DNAAF9: variants seen among roughly 807,000 people sequenced by gnomAD.
The protein encoded by DNAAF9 is shulin.
In DNAAF9, 90 loss-of-function variants were observed where a neutral mutation model predicts 167.0. The observed-to-expected ratio is 0.54, with a 90% CI of 0.45 to 0.64. DNAAF9 has a LOEUF of 0.64. DNAAF9 is among the 30% of genes least tolerant of loss of function. The pLI, the probability that DNAAF9 is intolerant of heterozygous loss-of-function variation, is 0.00. For missense variants in DNAAF9, 1,315 were observed against 1,442.2 expected, an observed-to-expected ratio of 0.91 and a Z score of 1.43; for synonymous variants, 491 against 508.8, an observed-to-expected ratio of 0.96 and a Z score of 0.47.
Position 3,270,473 on chromosome 20 carries a change from T to G in DNAAF9, c.2740A>C (p.Asn914His). The change falls in exon 30 of 37, where the codon AAT (asparagine) becomes CAT (histidine). Residue 914 changes from asparagine to histidine, a missense_variant. Physicochemically the swap from Asn to His is moderately conservative, Grantham distance 68. Around this residue, in one of 2 missense-constraint regions of DNAAF9, gnomAD observed 334 missense variants for 429.7 expected, o/e 0.78. Transcript: ENST00000252032. ...VQLQSLIRAA[N>H]PAAAFILAEN... ...GCAAGAATGAAGGCTGCAGCAGGAT[T>G]GGCAGCCCTGATGAGGCTCTGCAGC... The G allele has an allele frequency of 6.2e-7, 1 of 1,613,212 alleles. No homozygotes were observed. Among genetic ancestry groups the G allele is most frequent in the Non-Finnish European group, 8.5e-7 (1 of 1,179,236 alleles).
At chr20:3,267,886 T>C (rs1600674856) in intron 30 of DNAAF9, among the ~76,000 whole-genome samples, 1 of 152,272 alleles carries the variant, frequency 6.6e-6, no homozygotes, top group East Asian at 1.9e-4. Flanking sequence ...CCCCATTTCA[T>C]ATTCATAATC....
chr20:3,371,331 ATCTTTT>A (rs2083504442), intron 6 of DNAAF9, among the ~76,000 whole-genome samples: 1 of 117,836 alleles, frequency 8.5e-6, no homozygotes, highest in African/African-American at 3.2e-5. Flanking sequence ...CTTGAAGAAA[ATCTTTT>A]TTTTTTTTTT....
chr20:3,307,518 T>C (rs2069320977), intron 20 of DNAAF9, among the ~76,000 whole-genome samples: 1 of 152,038 alleles, frequency 6.6e-6, no homozygotes, highest in Non-Finnish European at 1.5e-5. Context: ...CTGAGGGCCA[T>C]ACCTTTGCAG....
chr20:3,294,934 C>T (rs944300715), intron 23 of DNAAF9, among the ~76,000 whole-genome samples: 3 of 151,774 alleles, frequency 2.0e-5, no homozygotes, highest in Non-Finnish European at 4.4e-5. Flanking sequence ...GGTGCGATCT[C>T]GGCTCACTGC....
chr20:3,270,585 T>C, intron 29 of DNAAF9, 23 bp from the exon 30 acceptor site: 1 of 1,610,460 alleles, frequency 6.2e-7, no homozygotes, highest in Non-Finnish European at 8.5e-7. Flanking sequence ...CCAAGGACAG[T>C]TTAGCCTTCA....
intron 27 of DNAAF9, among the ~76,000 whole-genome samples, chr20:3,282,945 A>T (rs1297922238): frequency 6.6e-6 from 1 of 152,170 alleles, no homozygotes; most frequent in Non-Finnish European, 1.5e-5. Context: ...TCAAAGCCCC[A>T]ATCGGCAGCT....
intron 16 of DNAAF9, among the ~76,000 whole-genome samples, chr20:3,320,852 C>A (rs773761766): frequency 1.3e-5 from 2 of 152,116 alleles, no homozygotes; most frequent in Non-Finnish European, 2.9e-5. Flanking sequence ...TCCCTGGGAC[C>A]AAAGCTTTTT....
At chr20:3,296,808 G>A (rs2069088583) in intron 23 of DNAAF9, 53 bp downstream of exon 23, 1 of 1,132,784 alleles carries the variant, frequency 8.8e-7, no homozygotes, top group East Asian at 2.3e-5. Context: ...TGCAGAGAGA[G>A]CACACCCACA....
intron 1 of DNAAF9, among the ~76,000 whole-genome samples, chr20:3,390,611 C>T (rs1420713061): frequency 3.9e-5 from 6 of 152,104 alleles, no homozygotes; most frequent in East Asian, 1.9e-4. Flanking sequence ...GTGATTTGCC[C>T]GCCTTGGCCT....
intron 3 of DNAAF9, among the ~76,000 whole-genome samples, chr20:3,380,426 C>A (rs1448083119): frequency 6.6e-6 from 1 of 152,140 alleles, no homozygotes; most frequent in African/African-American, 2.4e-5. Flanking sequence ...ATTTCTCAAC[C>A]TCGGCACTAC....
At chr20:3,280,678 T>C (rs1261296258) in intron 28 of DNAAF9, among the ~76,000 whole-genome samples, 1 of 152,030 alleles carries the variant, frequency 6.6e-6, no homozygotes, top group Non-Finnish European at 1.5e-5. Context: ...TGCAGTAGCA[T>C]GAACACAGCT....
chr20:3,346,530 A>G (rs923053217), intron 8 of DNAAF9, among the ~76,000 whole-genome samples: 1 of 152,220 alleles, frequency 6.6e-6, no homozygotes, highest in South Asian at 2.1e-4. Flanking sequence ...AAACAAAGAA[A>G]AAAAAAAGGA....
chr20:3,387,067 G>A (rs1051255818), intron 1 of DNAAF9, among the ~76,000 whole-genome samples: 1 of 151,484 alleles, frequency 6.6e-6, no homozygotes, highest in Non-Finnish European at 1.5e-5. Context: ...AGACAATATC[G>A]TTAAGCTGTC....
At chr20:3,352,846 T>TTATATATATA (rs11471503) in intron 7 of DNAAF9, among the ~76,000 whole-genome samples, 455 of 146,714 alleles carry the variant, frequency 3.1e-3, no homozygotes, top group Admixed American at 4.9e-3. Context: ...TTCAAAATAT[T>TTATATATATA]TATATATATA....
chr20:3,319,189 G>C lies in DNAAF9; in HGVS notation c.1357-789C>G, dbSNP rs138172400. 4.8e-3 allele frequency among the ~76,000 whole-genome samples: 712 copies of C among 147,406 alleles called. 2 individuals carry two copies. Among genetic ancestry groups the C allele is most frequent in the Middle Eastern group, 7.0e-3 (2 of 284 alleles). ...AAGGCAGGAGGATTGTTTGAGCCCAGGAGGTTGAGGCTGCAGTGATCTATG... is the reference window on the plus strand; with the variant it reads ...AAGGCAGGAGGATTGTTTGAGCCCACGAGGTTGAGGCTGCAGTGATCTATG... On this transcript the variant is annotated intron_variant, in intron 16 of 36. Transcript: ENST00000252032.
chr20:3,353,026 G>GCAATAAAAA (rs1481236927), intron 7 of DNAAF9, among the ~76,000 whole-genome samples: 2 of 149,072 alleles, frequency 1.3e-5, no homozygotes, highest in African/African-American at 2.4e-5. Flanking sequence ...AAGCAATAAA[G>GCAATAAAAA]TGACATATCC....
At chr20:3,301,866 C>A (rs1035453329) in intron 21 of DNAAF9, among the ~76,000 whole-genome samples, 5 of 152,020 alleles carry the variant, frequency 3.3e-5, no homozygotes, top group Non-Finnish European at 7.4e-5. Context: ...AATATTAACT[C>A]ATTTGTCTAA....
intron 20 of DNAAF9, among the ~76,000 whole-genome samples, chr20:3,309,757 AATG>A (rs2123010296): frequency 6.6e-6 from 1 of 152,340 alleles, no homozygotes; most frequent in African/African-American, 2.4e-5. Flanking sequence ...TCACATAGGA[AATG>A]ATTAATTATC....
chr20:3,259,600 G>T, intron 32 of DNAAF9, 46 bp from the exon 33 acceptor site: 2 of 1,316,766 alleles, frequency 1.5e-6, no homozygotes, highest in Non-Finnish European at 2.2e-6. Flanking sequence ...GGAGGCACAG[G>T]CCAAATTCAG....
Sources: gnomAD v4.1 joint callset for allele counts (sites outside exome capture counted in the v4.1 genomes callset) on GRCh38, gnomAD v4.1.1 for gene constraint, gnomAD v4.1.1 regional missense constraint, MANE v1.5 for transcripts, NCBI Gene and HGNC (gene_info 2026-07-23, HGNC 2026-07-21) for gene names.